RBMS3: variants seen among roughly 807,000 people sequenced by gnomAD.
RBMS3 encodes RNA-binding motif, single-stranded-interacting protein 3.
Under a neutral mutation model 66.8 loss-of-function variants are expected in RBMS3, and 27 were observed. The ratio of observed to expected loss-of-function variants is 0.40; its 90% CI spans 0.30 to 0.56. The LOEUF is 0.56. Among genes scored for constraint, RBMS3 ranks in the 20% least tolerant of loss-of-function variants. The pLI, the probability that RBMS3 is intolerant of heterozygous loss-of-function variation, is 0.40. For synonymous variants in RBMS3, 188 were observed against 183.0 expected (o/e 1.03, Z -0.22); for missense variants, 513 against 549.5 (o/e 0.93, Z 0.66).
In RBMS3 at chr3:29,312,896, G is replaced by T. The variant is rs534507484; in HGVS notation, c.75+31140G>T. On this transcript the variant is annotated intron_variant, in intron 1 of 14. Transcript: ENST00000383767. The stretch of plus-strand genomic sequence containing the variant: ...TGCTCACTCTCTTCTCCTGGCTTTT[G>T]TGGATTCAGTTCTGCTTTTCACCTT... 3.1e-3 allele frequency among the ~76,000 whole-genome samples: 463 copies of T among 151,800 alleles called. 2 individuals are homozygous for T. The highest frequency in any genetic ancestry group is 5.0e-3 in the Non-Finnish European group (341 of 67,768).
intron 12 of RBMS3, among the ~76,000 whole-genome samples, chr3:29,983,095 A>C (rs972364087): frequency 2.0e-5 from 3 of 152,106 alleles, no homozygotes; most frequent in Non-Finnish European, 4.4e-5. Context: ...GTGCTCATGT[A>C]TTGGGTGCAT....
intron 6 of RBMS3, among the ~76,000 whole-genome samples, chr3:29,860,158 T>G (rs960400939): frequency 3.3e-5 from 5 of 152,174 alleles, no homozygotes; most frequent in Non-Finnish European, 7.3e-5. Context: ...TCCAAATCAG[T>G]ATAAACTACT....
At chr3:29,731,204 A>T (rs2054117870) in intron 4 of RBMS3, among the ~76,000 whole-genome samples, 1 of 152,158 alleles carries the variant, frequency 6.6e-6, no homozygotes, top group Non-Finnish European at 1.5e-5. Context: ...CCAGAATTAA[A>T]CCTTCCAATT....
intron 3 of RBMS3, among the ~76,000 whole-genome samples, chr3:29,493,235 G>A (rs12489361): frequency 0.41 from 62,240 of 152,022 alleles, 13,112 homozygotes; most frequent in Admixed American, 0.52. Context: ...TCAATATAAA[G>A]GGATATAAAA....
intron 3 of RBMS3, among the ~76,000 whole-genome samples, chr3:29,574,827 A>AC (rs2047062488): frequency 7.6e-6 from 1 of 131,484 alleles, no homozygotes; most frequent in Non-Finnish European, 1.6e-5. Flanking sequence ...TTGCATAAGA[A>AC]AACACACACA....
chr3:29,788,892 C>A (rs1037682316), intron 6 of RBMS3, among the ~76,000 whole-genome samples: 2 of 152,088 alleles, frequency 1.3e-5, no homozygotes, highest in Non-Finnish European at 2.9e-5. Context: ...ACACCTTGGC[C>A]AATACAATGG....
intron 4 of RBMS3, among the ~76,000 whole-genome samples, chr3:29,712,778 T>C (rs542018375): frequency 3.9e-5 from 6 of 152,158 alleles, no homozygotes; most frequent in Non-Finnish European, 7.4e-5. Context: ...TCCTTGGACA[T>C]CAGAACTTCA....
At chr3:29,608,074 T>G (rs976278398) in intron 4 of RBMS3, among the ~76,000 whole-genome samples, 1 of 151,910 alleles carries the variant, frequency 6.6e-6, no homozygotes, top group East Asian at 1.9e-4. Context: ...ATCCAACTAT[T>G]TTACCACTTT....
chr3:29,967,936 G>A (rs1225690900), intron 12 of RBMS3, among the ~76,000 whole-genome samples: 1 of 151,962 alleles, frequency 6.6e-6, no homozygotes, highest in East Asian at 1.9e-4. Context: ...CATTTATCTT[G>A]TGTATTTTTG....
chr3:29,504,726 C>T (rs2044116152), intron 3 of RBMS3, among the ~76,000 whole-genome samples: 1 of 151,774 alleles, frequency 6.6e-6, no homozygotes, highest in Non-Finnish European at 1.5e-5. Flanking sequence ...TGCAAGGATT[C>T]CCTTTTCTCC....
intron 1 of RBMS3, among the ~76,000 whole-genome samples, chr3:29,329,922 T>G (rs1192357866): frequency 6.7e-6 from 1 of 148,154 alleles, no homozygotes; most frequent in African/African-American, 2.4e-5. Context: ...AACTATAGAA[T>G]TAATATATAT....
chr3:29,429,271 C>T (rs543091070), intron 1 of RBMS3, among the ~76,000 whole-genome samples: 89 of 152,240 alleles, frequency 5.8e-4, no homozygotes, highest in East Asian at 1.5e-3. Context: ...CAAGCACAAA[C>T]GGATGCTACC....
chr3:29,419,304 GA>G (rs575590572), intron 1 of RBMS3, among the ~76,000 whole-genome samples: 1 of 152,036 alleles, frequency 6.6e-6, no homozygotes, highest in Non-Finnish European at 1.5e-5. Flanking sequence ...GGACTTCAAG[GA>G]GTAATTGTCA....
Position 30,009,995 on chromosome 3 carries a change from A to T in RBMS3, c.*6133A>T, listed in dbSNP as rs1381150273. The T allele has an allele frequency of 6.6e-6, 1 of 152,104 alleles. No homozygotes were observed. Among genetic ancestry groups the T allele is most frequent in the Admixed American group, 6.5e-5 (1 of 15,278 alleles). 9.4% of individuals were successfully genotyped at this position (152,104 alleles called of 1,614,324 possible). ...GGACACAAATGCTTCCATTTATTTC[A>T]AAAGAAGAAGAAGAAAAATGGAATC... On this transcript the variant is annotated 3_prime_UTR_variant, in exon 15 of 15. Coordinates refer to ENST00000383767, the MANE Select transcript of RBMS3 (RefSeq NM_001003793.3).
At chr3:29,372,384 C>A (rs1013621908) in intron 1 of RBMS3, among the ~76,000 whole-genome samples, 4 of 151,974 alleles carry the variant, frequency 2.6e-5, no homozygotes, top group Non-Finnish European at 5.9e-5. Flanking sequence ...TAAAAAAGAA[C>A]TTTAATAATT....
At chr3:29,610,992 T>C (rs1034380853) in intron 4 of RBMS3, among the ~76,000 whole-genome samples, 1 of 151,998 alleles carries the variant, frequency 6.6e-6, no homozygotes, top group African/African-American at 2.4e-5. Flanking sequence ...GGTGCAGACA[T>C]GTCTTATTTC....
intron 4 of RBMS3, among the ~76,000 whole-genome samples, chr3:29,669,379 A>G (rs1046809829): frequency 1.3e-5 from 2 of 152,152 alleles, no homozygotes; most frequent in Non-Finnish European, 2.9e-5. Flanking sequence ...TGAGCTTCAC[A>G]TGAGTTGCCT....
intron 2 of RBMS3, among the ~76,000 whole-genome samples, chr3:29,483,172 G>C (rs1211676745): frequency 4.6e-5 from 7 of 151,398 alleles, no homozygotes; most frequent in African/African-American, 7.3e-5. Context: ...AGCCGGGCTT[G>C]GGGGCGGGCG....
At chr3:29,583,412 A>T (rs1462817245) in intron 3 of RBMS3, among the ~76,000 whole-genome samples, 1 of 152,180 alleles carries the variant, frequency 6.6e-6, no homozygotes, top group East Asian at 1.9e-4. Flanking sequence ...GCCCAACAGT[A>T]TTAATAGACA....
Sources: allele counts gnomAD v4.1 joint callset (sites outside exome capture counted in the v4.1 genomes callset), GRCh38; gene constraint gnomAD v4.1.1; transcripts MANE v1.5; gene names NCBI Gene and HGNC (gene_info 2026-07-23, HGNC 2026-07-21).